SLC37A2: variants seen among roughly 807,000 people sequenced by gnomAD.
SLC37A2 encodes the protein solute carrier family 37 member 2.
In SLC37A2, 59 loss-of-function variants were observed where a neutral mutation model predicts 70.7. That is an observed-to-expected ratio of 0.83 (90% confidence interval 0.68 to 1.04). The LOEUF is 1.04. Ranked by LOEUF, SLC37A2 falls within the 50% of genes least tolerant of loss-of-function variation. The pLI is 0.00. For synonymous variants in SLC37A2, 257 were observed against 262.1 expected, an observed-to-expected ratio of 0.98 and a Z score of 0.19; for missense variants, 580 against 658.1, an observed-to-expected ratio of 0.88 and a Z score of 1.30.
At chr11:125,072,091 C>T (rs1451641108) in intron 1 of SLC37A2, among the ~76,000 whole-genome samples, 1 of 152,000 alleles carries the variant, frequency 6.6e-6, no homozygotes, top group Non-Finnish European at 1.5e-5. Flanking sequence ...TCGGGGGCAG[C>T]GTCCCTCTGC....
At chr11:125,079,639 G>C in intron 5 of SLC37A2, 45 bp from the exon 6 acceptor site, 1 of 1,500,014 alleles carries the variant, frequency 6.7e-7, no homozygotes, top group South Asian at 1.2e-5. Flanking sequence ...GGAGCCAGTC[G>C]CACAGCCCAG....
chr11:125,076,092 A>T (rs1000284828), intron 1 of SLC37A2, among the ~76,000 whole-genome samples: 1 of 152,046 alleles, frequency 6.6e-6, no homozygotes, highest in African/African-American at 2.4e-5. Flanking sequence ...TGTTCTTTCC[A>T]TCCCGGGCCA....
intron 1 of SLC37A2, among the ~76,000 whole-genome samples, chr11:125,067,906 A>C (rs549060289): frequency 1.3e-5 from 2 of 152,358 alleles, no homozygotes; most frequent in Admixed American, 1.3e-4. Context: ...AATACCATGT[A>C]TACAAAGTCA....
intron 1 of SLC37A2, among the ~76,000 whole-genome samples, chr11:125,076,140 G>A (rs546897571): frequency 1.2e-4 from 18 of 152,200 alleles, no homozygotes; most frequent in Middle Eastern, 3.4e-3. Context: ...GAAAGAGCAC[G>A]TGTGTGAGCC....
At chr11:125,081,350 G>A in intron 7 of SLC37A2, 71 bp from the exon 8 acceptor site, 2 of 1,457,364 alleles carry the variant, frequency 1.4e-6, no homozygotes, top group East Asian at 2.5e-5. Context: ...CAAGGTGAGG[G>A]CCTGGCAATC....
intron 1 of SLC37A2, among the ~76,000 whole-genome samples, chr11:125,073,082 T>C (rs1949046376): frequency 6.6e-6 from 1 of 151,864 alleles, no homozygotes; most frequent in African/African-American, 2.4e-5. Flanking sequence ...TTTCAGGGAG[T>C]TGGGGTCAGA....
chr11:125,078,174 A>G (rs1440115898), intron 4 of SLC37A2, among the ~76,000 whole-genome samples: 1 of 152,220 alleles, frequency 6.6e-6, no homozygotes, highest in Non-Finnish European at 1.5e-5. Context: ...TAGCACGAGC[A>G]AGTAGGGCAA....
chr11:125,085,290 G>A, intron 14 of SLC37A2, 105 bp from the exon 15 acceptor site: 1 of 1,329,662 alleles, frequency 7.5e-7, no homozygotes, highest in African/African-American at 1.5e-5. Flanking sequence ...CTCCTCTCAA[G>A]CCCAAACCCC....
intron 15 of SLC37A2, 52 bp downstream of exon 15, chr11:125,085,525 G>A (rs759353256): frequency 2.2e-5 from 35 of 1,612,462 alleles, no homozygotes; most frequent in Admixed American, 8.3e-5. Context: ...AGTGCCCTCC[G>A]GTGGGCAGGG....
intron 7 of SLC37A2, 42 bp from the exon 8 acceptor site, chr11:125,081,379 C>CG (rs1293608019): frequency 2.5e-6 from 3 of 1,200,512 alleles, no homozygotes; most frequent in Non-Finnish European, 3.4e-6. Context: ...ATTGGGGGGG[C>CG]GGGGGTTGGG....
Position 125,082,178 on chromosome 11 carries a change from T to C in SLC37A2, c.886-66T>C. On this transcript the variant is annotated intron_variant, in intron 9 of 17. Coordinates refer to ENST00000403796, the MANE Select transcript of SLC37A2 (RefSeq NM_001145290.2). ...GTACTGGGGTGGTGCTGAGCACCCC[T>C]TGGGGCCACCACTGAACCCAGGACC... 2.0e-6 allele frequency: 3 copies of C among 1,506,050 alleles called. No homozygotes were observed. The Admixed American group carries it at 5.0e-5, about 25-fold the overall frequency. 93.3% of individuals were successfully genotyped at this position (1,506,050 alleles called of 1,614,324 possible).
Position 125,076,744 on chromosome 11 carries a change from T to TC in SLC37A2, c.60-10dup. The TC allele has an allele frequency of 6.2e-7, 1 of 1,613,724 alleles. No homozygotes were observed. Among genetic ancestry groups the TC allele is most frequent in the Non-Finnish European group, 8.5e-7 (1 of 1,179,654 alleles). ...TGACTTCCCACTAACGCAGATGCTG[T>TC]CCCTTCCTGCAGGTTCCGAGGCCTC... is the stretch of plus-strand genomic sequence containing the variant. On this transcript the variant is annotated splice_polypyrimidine_tract_variant and intron_variant, in intron 1 of 17. Coordinates refer to ENST00000403796, the MANE Select transcript of SLC37A2 (RefSeq NM_001145290.2).
At position 125,085,526 on chromosome 11, in the gene SLC37A2, G is replaced by A. The variant is rs1181881728; in HGVS notation, c.1328-51G>A. 2.5e-6 allele frequency: 4 copies of A among 1,612,972 alleles called. No individual in the cohort carries two copies. The Admixed American group carries it at 6.7e-5, about 27-fold the overall frequency. On this transcript the variant is annotated intron_variant, in intron 15 of 17. Coordinates refer to ENST00000403796, the MANE Select transcript of SLC37A2 (RefSeq NM_001145290.2). Reference sequence around the variant, plus strand: ...CGGCCCCTAGGCATAGTGCCCTCCGGTGGGCAGGGGAGGTGCAGGACCCCT... The same window carrying A: ...CGGCCCCTAGGCATAGTGCCCTCCGATGGGCAGGGGAGGTGCAGGACCCCT...
At chr11:125,084,953 G>C (rs144576745) in intron 13 of SLC37A2, 80 bp downstream of exon 13, 50,746 of 1,595,720 alleles carry the variant, frequency 0.032, 976 homozygotes, top group Non-Finnish European at 0.037. Flanking sequence ...CCCACGGGGG[G>C]CACTGACAGG....
rs1166073044 is a variant in SLC37A2, at chr11:125,090,512, G to C, written c.*2378G>C. Among the ~76,000 whole-genome samples the C allele has an allele frequency of 6.6e-6, 1 of 152,138 alleles. No individual in the cohort carries two copies. Among genetic ancestry groups the C allele is most frequent in the Non-Finnish European group, 1.5e-5 (1 of 68,042 alleles). On this transcript the variant is annotated 3_prime_UTR_variant, in exon 18 of 18. Coordinates refer to ENST00000403796, the MANE Select transcript of SLC37A2 (RefSeq NM_001145290.2). ...GTTCTTTGCAATAAATCTTGCTACT[G>C]CTCACTCTTTGAGTCCACGCTGCTT...
chr11:125,063,426 G>A lies in SLC37A2; in HGVS notation c.59G>A (p.Trp20Ter), dbSNP rs201411153. The A allele has an allele frequency of 3.5e-4, 562 of 1,611,058 alleles. No individual in the cohort carries two copies. Among genetic ancestry groups the A allele is most frequent in the Non-Finnish European group, 4.6e-4 (542 of 1,178,994 alleles). Residue 20 changes from tryptophan (W) to a stop codon, truncating the protein, a stop_gained and splice_region_variant, in exon 1 of 18, where the codon TGG becomes TAG. Transcript: ENST00000403796. LOFTEE classifies it high-confidence loss of function. This position sits in a 1 kb window ranked among gnomAD's most constrained non-coding sequence, Gnocchi z 5.4. ...TTCCGGGCCTTCTCCAGGGACAGCT[G>A]GTGAGCGGGGCAGGGGAGGGAGGCG... ...WFFRAFSRDS[W>*]FRGLILLLTF... is the part of the protein sequence containing the mutation.
chr11:125,087,514 G>C (rs781337855), intron 17 of SLC37A2: 3 of 153,192 alleles, frequency 2.0e-5, no homozygotes, highest in Non-Finnish European at 2.9e-5. Flanking sequence ...GTATGAATGG[G>C]GATGCTTATC....
intron 4 of SLC37A2, among the ~76,000 whole-genome samples, 158 bp downstream of exon 4, chr11:125,077,686 G>C (rs1307405049): frequency 6.6e-6 from 1 of 152,198 alleles, no homozygotes; most frequent in Admixed American, 6.5e-5. Flanking sequence ...CGCAGAGACT[G>C]CTCCTTCGCC....
intron 12 of SLC37A2, 106 bp downstream of exon 12, chr11:125,084,425 G>A (rs1949182206): frequency 2.6e-6 from 3 of 1,158,552 alleles, no homozygotes; most frequent in Non-Finnish European, 3.8e-6. Context: ...ATGTCGCTGT[G>A]TACGCGTGCA....
Sources: allele counts gnomAD v4.1 joint callset (sites outside exome capture counted in the v4.1 genomes callset), GRCh38; gene constraint gnomAD v4.1.1; non-coding constraint Gnocchi (gnomAD v3.1); transcripts MANE v1.5; gene names NCBI Gene and HGNC (gene_info 2026-07-23, HGNC 2026-07-21).